C2orf72: variants seen among roughly 807,000 people sequenced by gnomAD.
C2orf72 encodes uncharacterized protein C2orf72.
Under a neutral mutation model 14.4 loss-of-function variants are expected in C2orf72, and 16 were observed. That is an observed-to-expected ratio of 1.11 (90% CI 0.75 to 1.69). C2orf72 has a LOEUF of 1.69. Among genes scored for constraint, C2orf72 ranks in the 40% most tolerant of loss-of-function variants. The probability of loss-of-function intolerance (pLI) is 0.00; values close to 1 mark genes in which losing one functional copy is unlikely to be tolerated. For synonymous variants in C2orf72, 168 were observed against 176.8 expected (o/e 0.95, Z 0.40); for missense variants, 371 against 358.3 (o/e 1.04, Z -0.29).
rs759925052 is a variant in C2orf72, at chr2:231,046,913, A to G, written c.780A>G (p.Pro260=). The G allele has an allele frequency of 6.4e-7, 1 of 1,551,398 alleles. No homozygotes were observed. The highest frequency in any genetic ancestry group is 1.4e-5 in the African/African-American group (1 of 73,014). The change falls in exon 3 of 3, where the codon CCA becomes CCG. Residue 260 remains proline, a synonymous_variant. Transcript: ENST00000373640. ...TCCAGGAACCTGAGGAGGAGCTGCC[A>G]CTAACAGCCATATTTCCCAATGGAG... ...EDFQEPEEEL[P]LTAIFPNGDC...
At chr2:231,045,946 T>C (rs1328189628) in intron 2 of C2orf72, among the ~76,000 whole-genome samples, 1 of 152,244 alleles carries the variant, frequency 6.6e-6, no homozygotes, top group Non-Finnish European at 1.5e-5. Flanking sequence ...ATACTATAAC[T>C]GCCTTCCACA....
chr2:231,038,526 T>C (rs1393832308), intron 1 of C2orf72, among the ~76,000 whole-genome samples: 1 of 37,404 alleles, frequency 2.7e-5, no homozygotes, highest in Non-Finnish European at 5.2e-5. Context: ...TGGGTGGGGG[T>C]GGGGAGAGAA....
rs182324713 is a variant in C2orf72 at position 231,043,382 on chromosome 2, A to T, written c.748+1973A>T. On this transcript the variant is annotated intron_variant, in intron 2 of 2. Coordinates refer to ENST00000373640, the MANE Select transcript of C2orf72 (RefSeq NM_001144994.2). Reference sequence around the variant, plus strand: ...TTAGAATTCTGCCTGTCATGTTTGAAAACTCAAAAAAAAGTACAAAAAAAA... The same window carrying T: ...TTAGAATTCTGCCTGTCATGTTTGATAACTCAAAAAAAAGTACAAAAAAAA... Among the ~76,000 whole-genome samples, 755 of 152,244 alleles carry T rather than the reference A, an allele frequency of 5.0e-3. 6 individuals carry two copies. Among genetic ancestry groups the T allele is most frequent in the Middle Eastern group, 0.041 (12 of 294 alleles).
At chr2:231,041,162 C>T (rs1693334597) in intron 1 of C2orf72, 134 bp from the exon 2 acceptor site, 10 of 604,976 alleles carry the variant, frequency 1.7e-5, no homozygotes, top group Non-Finnish European at 2.5e-5. Context: ...GCAAATCAGA[C>T]TCTGTGTTTT....
In C2orf72 at chr2:231,040,758, C is replaced by T. The variant is rs545241512; in HGVS notation, c.635-538C>T. On this transcript the variant is annotated intron_variant, in intron 1 of 2. Coordinates refer to ENST00000373640, the MANE Select transcript of C2orf72 (RefSeq NM_001144994.2). ...CCTTTGGGTTGAAAAACTAAGGATA[C>T]AGTCTCTTTACCTTTGGGTGCGGGT... Among the ~76,000 whole-genome samples the T allele has an allele frequency of 3.9e-5, 6 of 152,350 alleles. No individual in the cohort carries two copies. The East Asian group carries it at 1.2e-3, about 29-fold the overall frequency.
At position 231,043,563 on chromosome 2, in the gene C2orf72, G is replaced by A. The variant is rs369174053; in HGVS notation, c.748+2154G>A. On this transcript the variant is annotated intron_variant, in intron 2 of 2. Coordinates refer to ENST00000373640, the MANE Select transcript of C2orf72 (RefSeq NM_001144994.2). Reference sequence around the variant, plus strand: ...ACTTCTATATCATCTTCAAAATGCAGTAGATATTTAAAATGTTTAATTGCA... The same window carrying A: ...ACTTCTATATCATCTTCAAAATGCAATAGATATTTAAAATGTTTAATTGCA... Among the ~76,000 whole-genome samples the A allele has an allele frequency of 2.6e-5, 4 of 152,228 alleles. No homozygotes were observed. In the East Asian group the frequency reaches 5.8e-4, roughly 22 times the overall value.
intron 1 of C2orf72, 89 bp from the exon 2 acceptor site, chr2:231,041,207 T>G (rs956959342): frequency 6.6e-6 from 6 of 906,672 alleles, no homozygotes; most frequent in Non-Finnish European, 9.8e-6. Context: ...AGTTGACCGT[T>G]GGGGCACTTG....
rs1050054378 is a variant in C2orf72, at chr2:231,037,937, C to A, written c.372C>A (p.Arg124=). The A allele has an allele frequency of 7.8e-6, 8 of 1,031,674 alleles. No individual in the cohort carries two copies. Among genetic ancestry groups the A allele is most frequent in the African/African-American group, 1.7e-5 (1 of 57,208 alleles). The allele number at this position is 1,031,674 out of a possible 1,614,324, so 63.9% of individuals were successfully genotyped here. A position where few individuals can be genotyped will look rare whatever the true frequency, so the allele number is the denominator to read the frequency against. Residue 124 remains arginine, a synonymous_variant, in exon 1 of 3, where the codon CGC becomes CGA. Transcript: ENST00000373640. ...SSLAAREPRR[R]LREMLRDVRG... Reference sequence around the variant, plus strand: ...TGGCCGCCCGGGAGCCGCGGCGCCGCCTGCGGGAGATGCTGCGGGACGTGC... The same window carrying A: ...TGGCCGCCCGGGAGCCGCGGCGCCGACTGCGGGAGATGCTGCGGGACGTGC...
At position 231,037,612 on chromosome 2, in the gene C2orf72, C is replaced by T. The variant is rs2125134915; in HGVS notation, c.47C>T (p.Ala16Val). ...CTGGCGGCCCGGCTTGCGCGCCCTG[C>T]CGAGCCGCCCTTCCAGGCGTTGGTG... Reference protein sequence around the residue: ...EALAARLARPAEPPFQALVEA... With the variant: ...EALAARLARPVEPPFQALVEA... Residue 16 changes from alanine to valine, a missense_variant, in exon 1 of 3, where the codon GCC becomes GTC. Ala to Val is a moderately conservative substitution (Grantham distance 64). Coordinates refer to ENST00000373640, the MANE Select transcript of C2orf72 (RefSeq NM_001144994.2). The T allele has an allele frequency of 1.8e-6, 2 of 1,097,916 alleles. No homozygotes were observed. Among genetic ancestry groups the T allele is most frequent in the Non-Finnish European group, 2.2e-6 (2 of 900,090 alleles). The allele number at this position is 1,097,916 out of a possible 1,614,324, so 68.0% of individuals were successfully genotyped here.
At chr2:231,044,684 T>TTTG (rs1693387516) in intron 2 of C2orf72, among the ~76,000 whole-genome samples, 1 of 148,242 alleles carries the variant, frequency 6.7e-6, no homozygotes, top group African/African-American at 2.5e-5. Flanking sequence ...TTTTTTTTTT[T>TTTG]TTTTGCTAAA....
At chr2:231,045,851 A>G (rs1693408884) in intron 2 of C2orf72, among the ~76,000 whole-genome samples, 1 of 152,108 alleles carries the variant, frequency 6.6e-6, no homozygotes, top group South Asian at 2.1e-4. Context: ...CCACTCTCTT[A>G]TTAAGGTTCG....
In C2orf72 at chr2:231,041,385, G is replaced by C; in HGVS notation, c.724G>C (p.Ala242Pro). The change falls in exon 2 of 3, where the codon GCT becomes CCT. Residue 242 changes from alanine (A) to proline (P), a missense_variant. By Grantham distance (27) the Ala-to-Pro change is conservative (BLOSUM62 -1). Coordinates refer to ENST00000373640, the MANE Select transcript of C2orf72 (RefSeq NM_001144994.2). ...PWSRRKNQDVAACRSSAQEDF... is the reference protein window; with the variant it reads ...PWSRRKNQDVPACRSSAQEDF... ...GAGCCGGAGGAAGAACCAGGATGTTGCTGCCTGCAGAAGCTCAGCTCAGGG... is the reference window on the plus strand; with the variant it reads ...GAGCCGGAGGAAGAACCAGGATGTTCCTGCCTGCAGAAGCTCAGCTCAGGG... 1 of 1,551,446 alleles carries C rather than the reference G, an allele frequency of 6.4e-7. No individual in the cohort carries two copies. The highest frequency in any genetic ancestry group is 8.7e-7 in the Non-Finnish European group (1 of 1,146,924).
chr2:231,044,338 CTT>C (rs1180981838), intron 2 of C2orf72, among the ~76,000 whole-genome samples: 2 of 152,152 alleles, frequency 1.3e-5, no homozygotes, highest in African/African-American at 4.8e-5. Context: ...AACTTTTTTA[CTT>C]TATAAGCTTT....
Position 231,037,832 on chromosome 2 carries a change from T to G in C2orf72, c.267T>G (p.Ala89=), listed in dbSNP as rs550300394. Residue 89 remains alanine, a synonymous_variant, in exon 1 of 3, where the codon GCT becomes GCG. Transcript: ENST00000373640. ...ARGAQRAARA[A]GAAGAAAAAA... The stretch of plus-strand genomic sequence containing the variant: ...GGGCGCAGAGGGCGGCGAGGGCGGC[T>G]GGGGCGGCGGGGGCGGCGGCGGCGG... The G allele has an allele frequency of 5.8e-3, 5,575 of 967,410 alleles. 273 individuals are homozygous for G. In the African/African-American group the frequency reaches 0.092, roughly 16 times the overall value. The allele number at this position is 967,410 out of a possible 1,614,324, so 59.9% of individuals were successfully genotyped here.
At position 231,037,992 on chromosome 2, in the gene C2orf72, G is replaced by C. The variant is rs1208469770; in HGVS notation, c.427G>C (p.Val143Leu). ...RGRRRAGAAL[V>L]GVLVAEAGPE... ...CCGGCGGCGGGCCGGGGCGGCGCTG[G>C]TCGGGGTGCTGGTGGCCGAGGCCGG... is the stretch of plus-strand genomic sequence containing the variant. The change falls in exon 1 of 3, where the codon GTC becomes CTC. Residue 143 changes from valine (V) to leucine (L), a missense_variant. Val to Leu is a conservative substitution (Grantham distance 32, BLOSUM62 1). Transcript: ENST00000373640. The C allele has an allele frequency of 1.9e-6, 2 of 1,040,084 alleles. No individual in the cohort carries two copies. The highest frequency in any genetic ancestry group is 2.3e-6 in the Non-Finnish European group (2 of 869,810). The allele number at this position is 1,040,084 out of a possible 1,614,324, so 64.4% of individuals were successfully genotyped here.
At chr2:231,038,420 G>A (rs903253884) in intron 1 of C2orf72, among the ~76,000 whole-genome samples, 5 of 152,026 alleles carry the variant, frequency 3.3e-5, no homozygotes, top group Non-Finnish European at 7.4e-5. Context: ...AGATGCCTAG[G>A]GGGCGTGGGA....
chr2:231,044,931 G>GTATATATATCTATA, intron 2 of C2orf72, among the ~76,000 whole-genome samples: 4 of 121,474 alleles, frequency 3.3e-5, no homozygotes, highest in African/African-American at 1.1e-4. Flanking sequence ...ATACGTGTGT[G>GTATATATATCTATA]TGTATATATA....
At chr2:231,039,071 G>A (rs1363586040) in intron 1 of C2orf72, among the ~76,000 whole-genome samples, 1 of 151,928 alleles carries the variant, frequency 6.6e-6, no homozygotes. Flanking sequence ...GCTATCGCAA[G>A]GACAAAAAAC....
chr2:231,041,942 A>G (rs761158524), intron 2 of C2orf72, among the ~76,000 whole-genome samples: 2 of 152,106 alleles, frequency 1.3e-5, no homozygotes, highest in Admixed American at 6.5e-5. Context: ...TTTGGACCAA[A>G]TCAGTGTCCC....
Sources: gnomAD v4.1 joint callset for allele counts (sites outside exome capture counted in the v4.1 genomes callset) on GRCh38, gnomAD v4.1.1 for gene constraint, MANE v1.5 for transcripts, NCBI Gene and HGNC (gene_info 2026-07-23, HGNC 2026-07-21) for gene names.